Variants in CDK13 observed in about 807,000 individuals in gnomAD.
The protein encoded by CDK13 is cyclin-dependent kinase 13.
CDK13 carries 40 observed loss-of-function variants against 137.6 expected under a neutral mutation model. The observed-to-expected ratio is 0.29, with a 90% confidence interval of 0.23 to 0.38. The LOEUF (loss-of-function observed/expected upper bound fraction) is 0.38. CDK13 is among the 10% of genes least tolerant of loss of function. The probability of loss-of-function intolerance (pLI) is 1.00; values close to 1 mark genes in which losing one functional copy is unlikely to be tolerated. For synonymous variants in CDK13, 869 were observed against 760.1 expected (o/e 1.14, Z -2.36); for missense variants, 1,704 against 1,951.8 (o/e 0.87, Z 2.39).
chr7:39,960,412 C>T (rs754509775), intron 1 of CDK13, among the ~76,000 whole-genome samples: 6 of 151,776 alleles, frequency 4.0e-5, no homozygotes, highest in African/African-American at 7.3e-5. Context: ...CCCGTCACCA[C>T]GCTTGGCTAA....
At position 39,951,838 on chromosome 7, in the gene CDK13, C is replaced by T. The variant is rs1389278410; in HGVS notation, c.1197C>T (p.Tyr399=). Residue 399 remains tyrosine, a synonymous_variant, in exon 1 of 14, where the codon TAC becomes TAT. Transcript: ENST00000181839. The part of the protein sequence containing the change: ...SSSWRRSRSP[Y]SPVLRRSGKS... ...GCTGGCGCCGCTCTCGCAGTCCCTA[C>T]AGCCCTGTGCTCAGGTGAGTTCTGC... 3 of 1,422,996 alleles carry T rather than the reference C, an allele frequency of 2.1e-6. No homozygotes were observed. Among genetic ancestry groups the T allele is most frequent in the Non-Finnish European group, 1.8e-6 (2 of 1,093,124 alleles). The allele number at this position is 1,422,996 out of a possible 1,614,324, so 88.1% of individuals were successfully genotyped here.
chr7:40,020,023 A>G (rs1048307510), intron 5 of CDK13, among the ~76,000 whole-genome samples: 14 of 152,116 alleles, frequency 9.2e-5, no homozygotes, highest in African/African-American at 3.4e-4. Flanking sequence ...GTGAATTGGA[A>G]TTTTACAATA....
intron 11 of CDK13, among the ~76,000 whole-genome samples, chr7:40,087,146 T>C (rs1270672821): frequency 6.6e-6 from 1 of 152,074 alleles, no homozygotes; most frequent in Admixed American, 6.6e-5. Flanking sequence ...GCAAATGGCA[T>C]GTTTTTCTTT....
intron 11 of CDK13, among the ~76,000 whole-genome samples, chr7:40,081,403 A>G (rs542295419): frequency 6.6e-6 from 1 of 152,300 alleles, no homozygotes; most frequent in African/African-American, 2.4e-5. Context: ...TCAAGTGGAA[A>G]GCAACTATCA....
At chr7:39,992,117 A>ACC in intron 2 of CDK13, among the ~76,000 whole-genome samples, 1 of 139,830 alleles carries the variant, frequency 7.2e-6, no homozygotes, top group African/African-American at 2.8e-5. Context: ...ACACACACAC[A>ACC]CAAGCACACA....
At chr7:39,984,062 T>C (rs1784285072) in intron 1 of CDK13, 1 of 152,192 alleles carries the variant, frequency 6.6e-6, no homozygotes, top group African/African-American at 2.4e-5. Context: ...CATTTTGTTT[T>C]TGTCCTAGAA....
chr7:39,976,323 T>TCTCTCTCTCTCTCTCTCACA, intron 1 of CDK13, among the ~76,000 whole-genome samples: 640 of 39,452 alleles, frequency 0.016, 43 homozygotes, highest in East Asian at 0.031. Flanking sequence ...TCTCTCTCTC[T>TCTCTCTCTCTCTCTCTCACA]CACACACACA....
At chr7:40,084,887 G>A (rs185553750) in intron 11 of CDK13, among the ~76,000 whole-genome samples, 2 of 152,180 alleles carry the variant, frequency 1.3e-5, no homozygotes, top group African/African-American at 2.4e-5. Flanking sequence ...GACACATCAA[G>A]TAAGTGACTG....
rs2116058674 is a variant in CDK13, at chr7:39,951,234, C to T, written c.593C>T (p.Pro198Leu). 3.1e-6 allele frequency: 4 copies of T among 1,284,232 alleles called. No homozygotes were observed. In the African/African-American group the frequency reaches 4.7e-5, roughly 15 times the overall value. The allele number at this position is 1,284,232 out of a possible 1,614,324, so 79.6% of individuals were successfully genotyped here. Residue 198 changes from proline to leucine, a missense_variant, in exon 1 of 14, where the codon CCC becomes CTC. By Grantham distance (98) the Pro-to-Leu change is moderately conservative. Around this residue, in one of 5 missense-constraint regions of CDK13, gnomAD observed 1,051 missense variants for 931.0 expected, o/e 1.13. Transcript: ENST00000181839. ...CGCGGGGAGGGGTCGGAGCGCAGGC[C>T]CCGCCGGGACCGCCGCAGCAGCAGT... ...QRRGEGSERR[P>L]RRDRRSSSGR... is the part of the protein sequence containing the mutation.
intron 7 of CDK13, 59 bp downstream of exon 7, chr7:40,047,936 T>C: frequency 9.9e-7 from 1 of 1,010,940 alleles, no homozygotes; most frequent in Non-Finnish European, 1.5e-6. Context: ...GAAGCTATAC[T>C]AAGAATACCT....
At chr7:40,050,050 G>C (rs940148785) in intron 7 of CDK13, among the ~76,000 whole-genome samples, 19 of 152,018 alleles carry the variant, frequency 1.2e-4, no homozygotes, top group Middle Eastern at 3.4e-3. Flanking sequence ...TGCAATCTCA[G>C]CTCACTACAG....
At chr7:40,036,903 G>A (rs924789643) in intron 5 of CDK13, among the ~76,000 whole-genome samples, 1 of 152,084 alleles carries the variant, frequency 6.6e-6, no homozygotes, top group African/African-American at 2.4e-5. Context: ...TTACCCAGTT[G>A]TCTCAAAAAT....
chr7:40,013,483 G>A (rs778590664), intron 5 of CDK13, among the ~76,000 whole-genome samples: 9 of 152,188 alleles, frequency 5.9e-5, no homozygotes, highest in South Asian at 4.1e-4. Context: ...CCAAGAAAAC[G>A]TGCTAAGTGA....
At chr7:39,954,438 C>G (rs369152662) in intron 1 of CDK13, among the ~76,000 whole-genome samples, 128 of 152,270 alleles carry the variant, frequency 8.4e-4, no homozygotes, top group African/African-American at 3.0e-3. Context: ...AATGAATGGA[C>G]TGCTGTGAGT....
intron 2 of CDK13, among the ~76,000 whole-genome samples, chr7:39,994,737 A>G (rs981127194): frequency 2.6e-5 from 4 of 152,144 alleles, no homozygotes; most frequent in African/African-American, 9.6e-5. Flanking sequence ...CATTGGATAG[A>G]CTGAGTAATA....
intron 13 of CDK13, 52 bp downstream of exon 13, chr7:40,093,289 C>T (rs953419530): frequency 2.1e-6 from 3 of 1,395,374 alleles, no homozygotes; most frequent in Non-Finnish European, 3.0e-6. Context: ...ATTGTCTACT[C>T]AGTGTTGCTG....
In CDK13 at chr7:39,988,199, C is replaced by G. The variant is rs780659478; in HGVS notation, c.1812C>G (p.Thr604=). The G allele has an allele frequency of 8.7e-6, 14 of 1,613,706 alleles. 1 individual carries two copies. The highest frequency in any genetic ancestry group is 1.1e-5 in the South Asian group (1 of 90,996). ...KEKEQHVALV[T]STLPPLPLPP... ...AGGAGCAACATGTAGCTTTAGTCAC[C>G]TCTACATTACCACCGTTACCTTTGC... Residue 604 remains threonine (T), a synonymous_variant, in exon 2 of 14, where the codon ACC becomes ACG. Transcript: ENST00000181839.
In CDK13 at chr7:39,967,775, G is replaced by C. The variant is rs115804086; in HGVS notation, c.1211+15923G>C. Among the ~76,000 whole-genome samples, 426 of 152,172 alleles carry C rather than the reference G, an allele frequency of 2.8e-3. 2 individuals are homozygous for C. Among genetic ancestry groups the C allele is most frequent in the African/African-American group, 9.8e-3 (405 of 41,526 alleles). On this transcript the variant is annotated intron_variant, in intron 1 of 13. Transcript: ENST00000181839. ...GTTATCTTTCATTTTTTTGATGCTA[G>C]CCATTCTAACAGGTGGGAGGTGGTA...
intron 5 of CDK13, among the ~76,000 whole-genome samples, chr7:40,009,863 G>A (rs529066396): frequency 6.6e-6 from 1 of 152,158 alleles, no homozygotes; most frequent in Non-Finnish European, 1.5e-5. Context: ...GTTCTTGCCA[G>A]GGCAATTAGT....
Sources: gnomAD v4.1 joint callset for allele counts (sites outside exome capture counted in the v4.1 genomes callset) on GRCh38, gnomAD v4.1.1 for gene constraint, gnomAD v4.1.1 regional missense constraint, MANE v1.5 for transcripts, NCBI Gene and HGNC (gene_info 2026-07-23, HGNC 2026-07-21) for gene names.